CFAP20DC: variants seen among roughly 807,000 people sequenced by gnomAD.
CFAP20DC encodes the protein CFAP20 domain containing, also known as protein CFAP20DC.
Under a neutral mutation model 101.7 loss-of-function variants are expected in CFAP20DC, and 84 were observed. The observed-to-expected ratio is 0.83, with a 90% CI of 0.69 to 0.99. The LOEUF (loss-of-function observed/expected upper bound fraction) is 0.99. CFAP20DC is among the 50% of genes least tolerant of loss of function. The pLI is 0.00. For synonymous variants in CFAP20DC, 359 were observed against 351.2 expected (o/e 1.02, Z -0.25); for missense variants, 1,007 against 970.3 (o/e 1.04, Z -0.50).
At chr3:58,811,247 G>T (rs1025806264) in intron 14 of CFAP20DC, among the ~76,000 whole-genome samples, 1 of 152,084 alleles carries the variant, frequency 6.6e-6, no homozygotes, top group African/African-American at 2.4e-5. Flanking sequence ...GCATTGCCAA[G>T]TCCATCCTAA....
chr3:59,024,708 C>T (rs1175903779), intron 4 of CFAP20DC, among the ~76,000 whole-genome samples: 3 of 152,132 alleles, frequency 2.0e-5, no homozygotes, highest in Non-Finnish European at 4.4e-5. Context: ...TACAACTACC[C>T]AACTTATCAA....
intron 4 of CFAP20DC, among the ~76,000 whole-genome samples, chr3:58,986,617 T>C (rs1406225145): frequency 6.6e-6 from 1 of 152,138 alleles, no homozygotes; most frequent in Non-Finnish European, 1.5e-5. Flanking sequence ...AGAAATTAAG[T>C]CCTTAAGACC....
intron 4 of CFAP20DC, among the ~76,000 whole-genome samples, chr3:58,980,825 T>A (rs1460875728): frequency 6.6e-6 from 1 of 152,198 alleles, no homozygotes; most frequent in Non-Finnish European, 1.5e-5. Flanking sequence ...TCACCACTCC[T>A]ATTCAACATA....
chr3:58,822,729 AGCTGTCTGAG>A (rs2075771468), intron 14 of CFAP20DC, among the ~76,000 whole-genome samples: 4 of 152,180 alleles, frequency 2.6e-5, no homozygotes, highest in Admixed American at 2.6e-4. Context: ...GTGAACAACT[AGCTGTCTGAG>A]GCTAGACATC....
intron 12 of CFAP20DC, among the ~76,000 whole-genome samples, chr3:58,850,055 A>G (rs374471387): frequency 2.6e-4 from 39 of 152,302 alleles, no homozygotes; most frequent in African/African-American, 8.9e-4. Flanking sequence ...AAGCTACAAT[A>G]ATTTTACAAG....
intron 12 of CFAP20DC, among the ~76,000 whole-genome samples, chr3:58,853,867 C>T (rs2078495677): frequency 6.6e-6 from 1 of 151,852 alleles, no homozygotes; most frequent in Non-Finnish European, 1.5e-5. Context: ...GACAAACCCA[C>T]AGCCAATATC....
chr3:58,820,578 A>C (rs1214020588), intron 14 of CFAP20DC, among the ~76,000 whole-genome samples: 1 of 152,022 alleles, frequency 6.6e-6, no homozygotes, highest in Non-Finnish European at 1.5e-5. Flanking sequence ...TAGGAATCCA[A>C]CTTACAAGGG....
rs2093472609 is a variant in CFAP20DC at position 59,007,792 on chromosome 3, A to C, written c.278+31765T>G. ...CAATCACTGAAGTACAGCTCTCAGG[A>C]AGCCTCATCCCTAGGGGAAGTGGGA... On this transcript the variant is annotated intron_variant, in intron 4 of 16. Coordinates refer to ENST00000482387, the MANE Select transcript of CFAP20DC (RefSeq NM_001394063.1). The surrounding 1 kb of genome is among the most constrained non-coding windows in gnomAD (Gnocchi z 4.4). 6.6e-6 allele frequency among the ~76,000 whole-genome samples: 1 copy of C among 152,174 alleles called. No homozygotes were observed. Among genetic ancestry groups the C allele is most frequent in the Non-Finnish European group, 1.5e-5 (1 of 68,028 alleles).
intron 12 of CFAP20DC, among the ~76,000 whole-genome samples, chr3:58,849,983 A>G (rs901934943): frequency 2.0e-5 from 3 of 152,208 alleles, no homozygotes; most frequent in Non-Finnish European, 4.4e-5. Flanking sequence ...AGTTTTAGAA[A>G]GTATATTTTT....
intron 7 of CFAP20DC, among the ~76,000 whole-genome samples, chr3:58,879,009 GAA>G (rs112153201): frequency 2.4e-5 from 3 of 123,128 alleles, no homozygotes; most frequent in Non-Finnish European, 1.8e-5. Context: ...CTTCGTCTCC[GAA>G]AAAAAAAAAA....
Position 58,903,025 on chromosome 3 carries a change from T to G in CFAP20DC, c.550+10683A>C, listed in dbSNP as rs1367315925. Among the ~76,000 whole-genome samples, 6 of 152,176 alleles carry G rather than the reference T, an allele frequency of 3.9e-5. No homozygotes were observed. The East Asian group carries it at 1.2e-3, about 29-fold the overall frequency. ...AGAATATACTAGAATGTTTTCTCTCTATATATTCATATATAAACCAGGATA... is the reference window on the plus strand; with the variant it reads ...AGAATATACTAGAATGTTTTCTCTCGATATATTCATATATAAACCAGGATA... On this transcript the variant is annotated intron_variant, in intron 6 of 16. Coordinates refer to ENST00000482387, the MANE Select transcript of CFAP20DC (RefSeq NM_001394063.1).
intron 14 of CFAP20DC, among the ~76,000 whole-genome samples, chr3:58,818,859 C>T (rs1352781017): frequency 1.5e-5 from 2 of 134,938 alleles, no homozygotes; most frequent in African/African-American, 5.7e-5. Context: ...CACCACACCA[C>T]ACCTATTCCA....
At chr3:58,886,180 T>TA (rs2081610634) in intron 6 of CFAP20DC, among the ~76,000 whole-genome samples, 1 of 152,028 alleles carries the variant, frequency 6.6e-6, no homozygotes, top group Admixed American at 6.5e-5. Flanking sequence ...ATTCTAAAAT[T>TA]AAAAAAATTA....
At chr3:58,747,806 C>G (rs1343791716) in intron 16 of CFAP20DC, among the ~76,000 whole-genome samples, 1 of 152,124 alleles carries the variant, frequency 6.6e-6, no homozygotes, top group African/African-American at 2.4e-5. Flanking sequence ...ACACTAAAGT[C>G]TGAGAAAGTC....
At chr3:59,027,073 C>A (rs1022171171) in intron 4 of CFAP20DC, among the ~76,000 whole-genome samples, 1 of 152,132 alleles carries the variant, frequency 6.6e-6, no homozygotes, top group African/African-American at 2.4e-5. Flanking sequence ...AGTGTTGAGT[C>A]CACAGCCACA....
At chr3:59,009,432 A>C (rs1380295876) in intron 4 of CFAP20DC, among the ~76,000 whole-genome samples, 2 of 152,114 alleles carry the variant, frequency 1.3e-5, no homozygotes, top group East Asian at 3.8e-4. Context: ...AACATACAGG[A>C]TATGAATGAA....
chr3:58,824,998 C>T (rs1273324481), intron 14 of CFAP20DC, among the ~76,000 whole-genome samples: 1 of 152,030 alleles, frequency 6.6e-6, no homozygotes, highest in East Asian at 1.9e-4. Flanking sequence ...GGAATGACAG[C>T]TTTGGGGCAT....
Position 59,024,276 on chromosome 3 carries a change from A to G in CFAP20DC, c.278+15281T>C, listed in dbSNP as rs554934541. 2.0e-5 allele frequency among the ~76,000 whole-genome samples: 3 copies of G among 152,318 alleles called. No individual in the cohort carries two copies. In the South Asian group the frequency reaches 6.2e-4, roughly 32 times the overall value. The stretch of plus-strand genomic sequence containing the variant: ...ATCATGTACTACCATGGCAGGTACT[A>G]TACTGTAACCAATCTAAAGTCCAAT... On this transcript the variant is annotated intron_variant, in intron 4 of 16. Coordinates refer to ENST00000482387, the MANE Select transcript of CFAP20DC (RefSeq NM_001394063.1).
chr3:58,820,755 G>A (rs1356234232), intron 14 of CFAP20DC, among the ~76,000 whole-genome samples: 1 of 146,574 alleles, frequency 6.8e-6, no homozygotes, highest in Non-Finnish European at 1.5e-5. Context: ...TCCCCATCAA[G>A]CTACCAATGA....
Sources: allele counts gnomAD v4.1 joint callset (sites outside exome capture counted in the v4.1 genomes callset), GRCh38; gene constraint gnomAD v4.1.1; non-coding constraint Gnocchi (gnomAD v3.1); transcripts MANE v1.5; gene names NCBI Gene and HGNC (gene_info 2026-07-23, HGNC 2026-07-21).